Variants in SCN1A observed in about 807,000 individuals in gnomAD.
SCN1A encodes sodium channel protein type 1 subunit alpha.
A neutral mutation model predicts 193.7 loss-of-function variants in SCN1A; 13 were observed. That is an observed-to-expected ratio of 0.07 (90% confidence interval 0.04 to 0.11). The LOEUF is 0.11. SCN1A is among the 10% of genes least tolerant of loss of function. The probability of loss-of-function intolerance (pLI) is 1.00; values close to 1 mark genes in which losing one functional copy is unlikely to be tolerated. For missense variants in SCN1A, 1,432 were observed against 2,451.1 expected (o/e 0.58, Z 8.78); for synonymous variants, 781 against 843.6 (o/e 0.93, Z 1.29).
At chr2:166,048,377 C>G (rs188287404) in intron 10 of SCN1A, among the ~76,000 whole-genome samples, 15 of 152,108 alleles carry the variant, frequency 9.9e-5, no homozygotes, top group African/African-American at 3.1e-4. Flanking sequence ...CTGGTAGGCC[C>G]TAGTGTGTGT....
intron 1 of SCN1A, among the ~76,000 whole-genome samples, chr2:166,141,101 C>T (rs1172131607): frequency 2.0e-5 from 3 of 152,076 alleles, no homozygotes; most frequent in African/African-American, 7.2e-5. Context: ...GTAAATCAGC[C>T]ATTCTGCCCT....
chr2:166,028,212 A>G (rs1695060177), intron 19 of SCN1A, among the ~76,000 whole-genome samples: 1 of 152,198 alleles, frequency 6.6e-6, no homozygotes. Flanking sequence ...AACATATTTC[A>G]GACATATTGA....
At chr2:166,021,009 A>G (rs186632842) in intron 19 of SCN1A, among the ~76,000 whole-genome samples, 15 of 152,358 alleles carry the variant, frequency 9.8e-5, no homozygotes, top group Non-Finnish European at 1.6e-4. Flanking sequence ...AGAGAAGTGT[A>G]TACATCTTTC....
upstream of SCN1A, among the ~76,000 whole-genome samples, chr2:166,131,350 G>C (rs535363409): frequency 1.7e-3 from 257 of 151,588 alleles, no homozygotes; most frequent in African/African-American, 6.2e-3. Context: ...AGAGAATGAA[G>C]GCGTAAGATG....
At position 166,014,090 on chromosome 2, in the gene SCN1A, A is replaced by G. The variant is rs568376; in HGVS notation, c.3551-192T>C. Among the ~76,000 whole-genome samples the G allele has an allele frequency of 1, 151,250 of 151,700 alleles. 75,401 individuals are homozygous for G. Among genetic ancestry groups the G allele is most frequent in the Middle Eastern group, 1 (294 of 294 alleles). On this transcript the variant is annotated intron_variant, in intron 20 of 28. Transcript: ENST00000674923. ...TGGAAACATTCAGCCACTTTAAATG[A>G]TGCCCTAGCGGACAGTATTTGCTTT...
intron 19 of SCN1A, among the ~76,000 whole-genome samples, chr2:166,021,464 T>C (rs1694054061): frequency 6.6e-6 from 1 of 152,108 alleles, no homozygotes; most frequent in Middle Eastern, 3.2e-3. Flanking sequence ...GATTGGCATG[T>C]TAAATAAGGA....
At chr2:166,072,517 T>C (rs1194613114) in intron 4 of SCN1A, among the ~76,000 whole-genome samples, 1 of 152,194 alleles carries the variant, frequency 6.6e-6, no homozygotes, top group African/African-American at 2.4e-5. Context: ...CTTGTAAAAT[T>C]CTAGTTTATG....
intron 19 of SCN1A, among the ~76,000 whole-genome samples, chr2:166,030,800 T>C (rs1050857899): frequency 7.9e-5 from 12 of 152,196 alleles, no homozygotes; most frequent in African/African-American, 1.7e-4. Flanking sequence ...GCAACTGTTA[T>C]GCACCCAGCA....
Position 166,012,302 on chromosome 2 carries a change from CATT to C in SCN1A, c.3706-23_3706-21del. On this transcript the variant is annotated intron_variant, in intron 21 of 28. Transcript: ENST00000674923. ...AAATGCCTATAAAGAAAATGTTACACATTATTAGCTTTCAAAAATAATTATACT... is the reference window on the plus strand; with the variant it reads ...AAATGCCTATAAAGAAAATGTTACACATTAGCTTTCAAAAATAATTATACT... 1 of 1,575,288 alleles carries C rather than the reference CATT, an allele frequency of 6.3e-7. No homozygotes were observed. The highest frequency in any genetic ancestry group is 8.7e-7 in the Non-Finnish European group (1 of 1,148,882).
chr2:166,108,177 A>G (rs1053762019), intron 2 of SCN1A, among the ~76,000 whole-genome samples: 1 of 152,128 alleles, frequency 6.6e-6, no homozygotes, highest in Admixed American at 6.6e-5. Flanking sequence ...AAGAAGATAA[A>G]TGACTAATCA....
intron 1 of SCN1A, among the ~76,000 whole-genome samples, chr2:166,137,972 A>C (rs1574645501): frequency 6.6e-6 from 1 of 152,142 alleles, no homozygotes. Context: ...AACTGGAGCA[A>C]AGGTGACTCT....
chr2:166,111,733 A>G (rs35831635), intron 2 of SCN1A, among the ~76,000 whole-genome samples: 11,986 of 152,192 alleles, frequency 0.079, 551 homozygotes, highest in Middle Eastern at 0.21. Flanking sequence ...GAACATTTGT[A>G]ATTCATGGGA....
At chr2:166,051,089 A>G (rs185143916) in intron 9 of SCN1A, among the ~76,000 whole-genome samples, 48 of 152,116 alleles carry the variant, frequency 3.2e-4, no homozygotes, top group African/African-American at 1.0e-3. Flanking sequence ...CATTATATCA[A>G]TCACCACAGG....
At chr2:166,103,449 T>A (rs918559985) in intron 2 of SCN1A, among the ~76,000 whole-genome samples, 10 of 142,918 alleles carry the variant, frequency 7.0e-5, no homozygotes, top group Non-Finnish European at 1.2e-4. Context: ...AGACTCTGTC[T>A]TAAATAAATA....
downstream of SCN1A, chr2:165,985,802 G>A (rs578212623): frequency 2.8e-4 from 42 of 152,180 alleles, no homozygotes; most frequent in East Asian, 3.9e-4. Context: ...AGTACTATCA[G>A]CAGTACCCAA....
chr2:165,998,365 T>C (rs528902273), intron 25 of SCN1A, among the ~76,000 whole-genome samples, 190 bp from the exon 26 acceptor site: 29 of 151,066 alleles, frequency 1.9e-4, no homozygotes, highest in African/African-American at 6.5e-4. Flanking sequence ...GTGAAAAATA[T>C]GGCTATTATG....
intron 2 of SCN1A, among the ~76,000 whole-genome samples, chr2:166,087,571 G>A (rs1686278104): frequency 6.6e-6 from 1 of 152,026 alleles, no homozygotes; most frequent in African/African-American, 2.4e-5. Flanking sequence ...GTCATGAGGG[G>A]AAGTCACCTG....
At chr2:166,107,077 C>A (rs1262813053) in intron 2 of SCN1A, among the ~76,000 whole-genome samples, 2 of 152,096 alleles carry the variant, frequency 1.3e-5, no homozygotes, top group African/African-American at 4.8e-5. Flanking sequence ...ACTGCTTATT[C>A]TTTGCCCTTA....
At chr2:166,066,365 G>T (rs965365431) in intron 4 of SCN1A, among the ~76,000 whole-genome samples, 1 of 152,140 alleles carries the variant, frequency 6.6e-6, no homozygotes, top group East Asian at 1.9e-4. Context: ...AGCTTGCTGT[G>T]TGAGAACTAT....
Sources: gnomAD v4.1 joint callset for allele counts (sites outside exome capture counted in the v4.1 genomes callset) on GRCh38, gnomAD v4.1.1 for gene constraint, MANE v1.5 for transcripts, NCBI Gene and HGNC (gene_info 2026-07-23, HGNC 2026-07-21) for gene names.